VOPP1: variants seen among roughly 807,000 people sequenced by gnomAD.
VOPP1 encodes WW domain binding protein VOPP1.
VOPP1 carries 8 observed loss-of-function variants against 23.5 expected under a neutral mutation model. The ratio of observed to expected loss-of-function variants is 0.34; its 90% CI spans 0.20 to 0.61. VOPP1 has a LOEUF of 0.61. Ranked by LOEUF, VOPP1 falls within the 20% of genes least tolerant of loss-of-function variation. The probability of loss-of-function intolerance (pLI) is 0.78; values close to 1 mark genes in which losing one functional copy is unlikely to be tolerated. For synonymous variants in VOPP1, 83 were observed against 97.3 expected, an observed-to-expected ratio of 0.85 and a Z score of 0.86; for missense variants, 174 against 238.1, an observed-to-expected ratio of 0.73 and a Z score of 1.77.
chr7:55,481,069 A>G (rs944034720), intron 4 of VOPP1, among the ~76,000 whole-genome samples: 6 of 152,240 alleles, frequency 3.9e-5, no homozygotes, highest in African/African-American at 1.4e-4. Context: ...AAGGACCTCA[A>G]GGAAATGGAA....
chr7:55,477,819 A>G (rs942167679), intron 4 of VOPP1, among the ~76,000 whole-genome samples: 1 of 152,248 alleles, frequency 6.6e-6, no homozygotes, highest in Non-Finnish European at 1.5e-5. Flanking sequence ...AGGTTAAAAA[A>G]TTGGTGACCA....
At chr7:55,473,747 A>T (rs914832064) in intron 4 of VOPP1, among the ~76,000 whole-genome samples, 1 of 152,330 alleles carries the variant, frequency 6.6e-6, no homozygotes, top group East Asian at 1.9e-4. Context: ...AGAATTATGC[A>T]TATGTAAATA....
At chr7:55,509,482 C>G (rs150145320) in intron 2 of VOPP1, among the ~76,000 whole-genome samples, 1 of 152,088 alleles carries the variant, frequency 6.6e-6, no homozygotes, top group South Asian at 2.1e-4. Context: ...GAGGACAGAG[C>G]CCTCATGACT....
At chr7:55,550,572 C>T (rs1468143586) in intron 1 of VOPP1, among the ~76,000 whole-genome samples, 1 of 152,116 alleles carries the variant, frequency 6.6e-6, no homozygotes, top group South Asian at 2.1e-4. Flanking sequence ...CCAAAATGTA[C>T]AAAGATGTTC....
chr7:55,552,911 C>T (rs982234012), intron 1 of VOPP1: 185 of 1,103,404 alleles, frequency 1.7e-4, no homozygotes, highest in Non-Finnish European at 2.1e-4. Context: ...AAAAATTATA[C>T]GTGCTGCTAG....
Position 55,561,225 on chromosome 7 carries a change from C to T in VOPP1, c.54+11046G>A, listed in dbSNP as rs566575324. ...GTTCCTGACATCCCACCCAGGTCAC[C>T]AACCTTTCCCCACTGAACTTCAACT... On this transcript the variant is annotated intron_variant, in intron 1 of 4. Transcript: ENST00000285279. 6.6e-5 allele frequency among the ~76,000 whole-genome samples: 10 copies of T among 152,216 alleles called. No homozygotes were observed. The South Asian group carries it at 1.2e-3, about 19-fold the overall frequency.
chr7:55,495,886 T>C (rs1793914503), intron 3 of VOPP1, among the ~76,000 whole-genome samples: 1 of 152,254 alleles, frequency 6.6e-6, no homozygotes, highest in African/African-American at 2.4e-5. Context: ...TCTTCTGGCA[T>C]CTGGCACTCA....
At chr7:55,553,627 C>T (rs1797699552) in intron 1 of VOPP1, among the ~76,000 whole-genome samples, 1 of 151,838 alleles carries the variant, frequency 6.6e-6, no homozygotes, top group Non-Finnish European at 1.5e-5. Context: ...TGACCTCAAT[C>T]CCTGCAACCC....
At chr7:55,494,841 T>C (rs1793836632) in intron 3 of VOPP1, among the ~76,000 whole-genome samples, 1 of 151,810 alleles carries the variant, frequency 6.6e-6, no homozygotes. Flanking sequence ...CGAAGCAGGG[T>C]GTTGGCTGGG....
chr7:55,568,081 C>CTTTTCT (rs1798220568), intron 1 of VOPP1, among the ~76,000 whole-genome samples: 1 of 124,042 alleles, frequency 8.1e-6, no homozygotes, highest in Non-Finnish European at 1.6e-5. Context: ...ACAACTATTC[C>CTTTTCT]TTTTTTTTTT....
chr7:55,508,868 C>G (rs1794895371), intron 2 of VOPP1, among the ~76,000 whole-genome samples: 1 of 152,008 alleles, frequency 6.6e-6, no homozygotes, highest in East Asian at 1.9e-4. Context: ...ATAGTGAGAT[C>G]CTGTCTCTAT....
chr7:55,541,185 T>C (rs926807001), intron 1 of VOPP1, among the ~76,000 whole-genome samples: 48 of 152,228 alleles, frequency 3.2e-4, no homozygotes, highest in African/African-American at 1.1e-3. Flanking sequence ...ATTGTGGCAA[T>C]ACTTGCATAA....
At chr7:55,504,790 C>CA in intron 2 of VOPP1, among the ~76,000 whole-genome samples, 1 of 152,350 alleles carries the variant, frequency 6.6e-6, no homozygotes, top group Admixed American at 6.5e-5. Context: ...CTAGCTTGGG[C>CA]AAAATTATGG....
chr7:55,513,881 T>C (rs1431786504), intron 2 of VOPP1, among the ~76,000 whole-genome samples: 1 of 152,226 alleles, frequency 6.6e-6, no homozygotes, highest in African/African-American at 2.4e-5. Context: ...CAGAGATTCA[T>C]TTCAATTCAC....
At chr7:55,516,496 A>G (rs927320398) in intron 2 of VOPP1, among the ~76,000 whole-genome samples, 2 of 152,234 alleles carry the variant, frequency 1.3e-5, no homozygotes, top group African/African-American at 2.4e-5. Flanking sequence ...TAGAAAACCT[A>G]CATTTCATTA....
Position 55,570,871 on chromosome 7 carries a change from G to A in VOPP1, c.54+1400C>T, listed in dbSNP as rs576588351. 7.2e-5 allele frequency among the ~76,000 whole-genome samples: 11 copies of A among 152,204 alleles called. 1 individual carries two copies. In the East Asian group the frequency reaches 2.1e-3, roughly 29 times the overall value. On this transcript the variant is annotated intron_variant, in intron 1 of 4. Coordinates refer to ENST00000285279, the MANE Select transcript of VOPP1 (RefSeq NM_030796.5). The stretch of plus-strand genomic sequence containing the variant: ...GCAGGAGAATAGCTTGAACCCAGGA[G>A]GCGGAGATTGCAGTGAGCCAAGATC...
intron 1 of VOPP1, chr7:55,562,099 G>A (rs751381213): frequency 1.9e-5 from 13 of 702,306 alleles, no homozygotes; most frequent in East Asian, 5.4e-5. Flanking sequence ...GTAATTGTTC[G>A]AAACTCCCTA....
At chr7:55,464,136 C>T (rs765347228) in intron 4 of VOPP1, among the ~76,000 whole-genome samples, 37 of 151,842 alleles carry the variant, frequency 2.4e-4, no homozygotes, top group East Asian at 9.7e-4. Context: ...GTACCAGCAG[C>T]AGTGGCAGAG....
At chr7:55,499,406 C>T (rs1026393995) in intron 2 of VOPP1, among the ~76,000 whole-genome samples, 3 of 152,184 alleles carry the variant, frequency 2.0e-5, no homozygotes, top group South Asian at 2.1e-4. Flanking sequence ...GAGCCAAGAT[C>T]GTGCCACTTG....
Sources: allele counts gnomAD v4.1 joint callset (sites outside exome capture counted in the v4.1 genomes callset), GRCh38; gene constraint gnomAD v4.1.1; transcripts MANE v1.5; gene names NCBI Gene and HGNC (gene_info 2026-07-23, HGNC 2026-07-21).